MGAM2: variants seen among roughly 807,000 people sequenced by gnomAD.
The protein encoded by MGAM2 is probable maltase-glucoamylase 2.
A neutral mutation model predicts 96.1 loss-of-function variants in MGAM2; 98 were observed. The ratio of observed to expected loss-of-function variants is 1.02; its 90% CI spans 0.87 to 1.21. The LOEUF (loss-of-function observed/expected upper bound fraction) is 1.21. Ranked by LOEUF, MGAM2 falls within the 50% of genes most tolerant of loss-of-function variation. MGAM2 has a pLI of 0.00. For missense variants in MGAM2, 2,055 were observed against 1,182.4 expected, an observed-to-expected ratio of 1.74 and a Z score of -10.82; for synonymous variants, 749 against 414.8, an observed-to-expected ratio of 1.81 and a Z score of -9.79.
In MGAM2 at chr7:142,221,089, C is replaced by G. The variant is rs1458792999; in HGVS notation, c.6578C>G (p.Thr2193Ser). 6 of 702,518 alleles carry G rather than the reference C, an allele frequency of 8.5e-6. No individual in the cohort carries two copies. The highest frequency in any genetic ancestry group is 1.6e-5 in the Non-Finnish European group (6 of 384,780). The allele number at this position is 702,518 out of a possible 1,614,324, so 43.5% of individuals were successfully genotyped here. The change falls in exon 48 of 48, where the codon ACT becomes AGT. Residue 2193 changes from threonine to serine, a missense_variant. Coordinates refer to ENST00000477922, the MANE Select transcript of MGAM2 (RefSeq NM_001293626.2). ...IPSLANTGVD[T>S]TSNSFSIMTT... is the part of the protein sequence containing the mutation. ...TCTCTTGCAAATACTGGTGTTGACA[C>G]TACTAGCAACAGTTTTTCCATTATG...
chr7:142,145,225 C>G (rs987564941), intron 14 of MGAM2, among the ~76,000 whole-genome samples: 1 of 152,158 alleles, frequency 6.6e-6, no homozygotes, highest in Non-Finnish European at 1.5e-5. Flanking sequence ...CTGTTCATTT[C>G]CCCCAAATCC....
At chr7:142,210,485 A>C (rs1416159289) in intron 46 of MGAM2, among the ~76,000 whole-genome samples, 1 of 152,142 alleles carries the variant, frequency 6.6e-6, no homozygotes, top group African/African-American at 2.4e-5. Context: ...TGACGTGGGA[A>C]GCTCGAGTTT....
intron 2 of MGAM2, among the ~76,000 whole-genome samples, chr7:142,119,609 A>G (rs1031973238): frequency 6.6e-6 from 1 of 152,256 alleles, no homozygotes; most frequent in Non-Finnish European, 1.5e-5. Context: ...GAATGCTCAT[A>G]GCAGGATTAT....
At chr7:142,185,454 T>A (rs1451459192) in intron 34 of MGAM2, among the ~76,000 whole-genome samples, 1 of 152,136 alleles carries the variant, frequency 6.6e-6, no homozygotes, top group Non-Finnish European at 1.5e-5. Context: ...TAGAGGGGAA[T>A]CCATTATGAA....
At chr7:142,156,531 T>G (rs1158901047) in intron 17 of MGAM2, among the ~76,000 whole-genome samples, 1 of 152,238 alleles carries the variant, frequency 6.6e-6, no homozygotes, top group African/African-American at 2.4e-5. Flanking sequence ...GTTTACTTCC[T>G]CAGTCTCAAT....
intron 26 of MGAM2, among the ~76,000 whole-genome samples, chr7:142,169,197 G>A (rs556121351): frequency 1.1e-4 from 17 of 152,250 alleles, no homozygotes; most frequent in African/African-American, 3.6e-4. Context: ...ATGGGAGGCC[G>A]AGGCAGGTGA....
intron 46 of MGAM2, among the ~76,000 whole-genome samples, chr7:142,211,383 A>G (rs1431364135): frequency 1.3e-5 from 2 of 152,168 alleles, no homozygotes; most frequent in Non-Finnish European, 2.9e-5. Context: ...GTGGGTAATA[A>G]CAAGCTCCTC....
intron 46 of MGAM2, among the ~76,000 whole-genome samples, chr7:142,209,736 A>G (rs1010278612): frequency 1.3e-5 from 2 of 151,978 alleles, no homozygotes; most frequent in African/African-American, 2.4e-5. Context: ...TTCTGTTTAG[A>G]CTCCAGTTAA....
intron 32 of MGAM2, among the ~76,000 whole-genome samples, chr7:142,179,536 T>C (rs1796476086): frequency 6.6e-6 from 1 of 152,172 alleles, no homozygotes; most frequent in Non-Finnish European, 1.5e-5. Flanking sequence ...TTCCCTTTGA[T>C]GCCTAATTTC....
At chr7:142,150,873 T>C (rs936891865) in intron 15 of MGAM2, among the ~76,000 whole-genome samples, 4 of 152,230 alleles carry the variant, frequency 2.6e-5, no homozygotes, top group Admixed American at 6.5e-5. Flanking sequence ...ATCCAAGTGC[T>C]ATTCATTCTT....
Position 142,221,935 on chromosome 7 carries a change from CCA to C in MGAM2, c.7427_7428del (p.Thr2476ArgfsTer16). The C allele has an allele frequency of 2.5e-6, 1 of 399,706 alleles. No homozygotes were observed. The highest frequency in any genetic ancestry group is 4.4e-6 in the Non-Finnish European group (1 of 226,848). The allele number at this position is 399,706 out of a possible 1,614,324, so 24.8% of individuals were successfully genotyped here. On this transcript the variant is annotated frameshift_variant, in exon 48 of 48. Coordinates refer to ENST00000477922, the MANE Select transcript of MGAM2 (RefSeq NM_001293626.2). LOFTEE classifies it low-confidence loss of function (END_TRUNC). ...TTACCTATTACTGCAACTAGTGCTA[CCA>C]CAGATACTACAAATATTACAAAATA...
intron 10 of MGAM2, among the ~76,000 whole-genome samples, chr7:142,139,603 T>A (rs1795158582): frequency 6.9e-6 from 1 of 144,362 alleles, no homozygotes; most frequent in Admixed American, 7.3e-5. Flanking sequence ...GAGGTTGTAG[T>A]GAGCTGAGAT....
At chr7:142,161,890 A>G (rs1257583136) in intron 22 of MGAM2, 65 bp from the exon 23 acceptor site, 1 of 603,574 alleles carries the variant, frequency 1.7e-6, no homozygotes, top group Non-Finnish European at 2.9e-6. Flanking sequence ...TGAAATGAAG[A>G]GAAGAGCAGG....
At chr7:142,161,702 A>G (rs1459454865) in intron 22 of MGAM2, among the ~76,000 whole-genome samples, 1 of 152,250 alleles carries the variant, frequency 6.6e-6, no homozygotes, top group Non-Finnish European at 1.5e-5. Context: ...CAGGATAGAT[A>G]CAATGCACAC....
chr7:142,177,994 T>C (rs1796426699), intron 32 of MGAM2, among the ~76,000 whole-genome samples: 1 of 152,208 alleles, frequency 6.6e-6, no homozygotes, highest in South Asian at 2.1e-4. Flanking sequence ...CAACAGTGTG[T>C]AAGTGTTCTC....
chr7:142,196,884 A>G, intron 40 of MGAM2, 68 bp downstream of exon 40: 1 of 679,246 alleles, frequency 1.5e-6, no homozygotes, highest in Admixed American at 2.3e-5. Context: ...AACCCCCAGG[A>G]CTATTATACT....
rs868578599 is a variant in MGAM2 at position 142,129,551 on chromosome 7, G to A, written c.187-1397G>A. Among the ~76,000 whole-genome samples, 11 of 151,968 alleles carry A rather than the reference G, an allele frequency of 7.2e-5. No homozygotes were observed. The South Asian group carries it at 1.0e-3, about 14-fold the overall frequency. Reference sequence around the variant, plus strand: ...TTGAAATTTCAATTGTAGGCCAGGCGCGGTGGCTCATGCCTGTAATCCCAG... The same window carrying A: ...TTGAAATTTCAATTGTAGGCCAGGCACGGTGGCTCATGCCTGTAATCCCAG... On this transcript the variant is annotated intron_variant, in intron 3 of 47. Transcript: ENST00000477922.
intron 36 of MGAM2, among the ~76,000 whole-genome samples, chr7:142,188,567 A>G (rs763107759): frequency 2.0e-5 from 3 of 152,176 alleles, no homozygotes; most frequent in Non-Finnish European, 4.4e-5. Flanking sequence ...TATGCTGCCC[A>G]TTTCTCACTC....
At chr7:142,141,511 T>C (rs1225121145) in intron 12 of MGAM2, among the ~76,000 whole-genome samples, 1 of 152,148 alleles carries the variant, frequency 6.6e-6, no homozygotes, top group African/African-American at 2.4e-5. Flanking sequence ...TTAATTTTTA[T>C]TTTTTTGAGA....
Sources: gnomAD v4.1 joint callset for allele counts (sites outside exome capture counted in the v4.1 genomes callset) on GRCh38, gnomAD v4.1.1 for gene constraint, MANE v1.5 for transcripts, NCBI Gene and HGNC (gene_info 2026-07-23, HGNC 2026-07-21) for gene names.